The following ARHGEF28 variants were observed in gnomAD, a reference collection of about 807,000 sequenced individuals.
ARHGEF28 encodes the protein Rho guanine nucleotide exchange factor 28, also known as 190 kDa guanine nucleotide exchange factor.
Under a neutral mutation model 206.6 loss-of-function variants are expected in ARHGEF28, and 152 were observed. That is an observed-to-expected ratio of 0.74 (90% CI 0.64 to 0.84). The LOEUF (loss-of-function observed/expected upper bound fraction) is 0.84, where lower values mean the gene tolerates loss of function less well. Among genes scored for constraint, ARHGEF28 ranks in the 40% least tolerant of loss-of-function variants. The pLI is 0.00. For synonymous variants in ARHGEF28, 763 were observed against 776.4 expected, an observed-to-expected ratio of 0.98 and a Z score of 0.29; for missense variants, 2,028 against 2,073.2, an observed-to-expected ratio of 0.98 and a Z score of 0.42.
At chr5:73,666,463 C>G (rs895738680) in intron 1 of ARHGEF28, among the ~76,000 whole-genome samples, 5 of 152,196 alleles carry the variant, frequency 3.3e-5, no homozygotes, top group Admixed American at 6.5e-5. Flanking sequence ...TCTTTGGTGG[C>G]TCCATTCCTG....
chr5:73,858,669 C>T (rs1759203777), intron 16 of ARHGEF28, among the ~76,000 whole-genome samples: 1 of 152,206 alleles, frequency 6.6e-6, no homozygotes, highest in South Asian at 2.1e-4. Flanking sequence ...GTCACCCCTA[C>T]CACTGATATC....
At position 73,895,371 on chromosome 5, in the gene ARHGEF28, C is replaced by T. The variant is rs950200700; in HGVS notation, c.3841+796C>T. 5.9e-5 allele frequency among the ~76,000 whole-genome samples: 9 copies of T among 152,050 alleles called. No individual in the cohort carries two copies. In the East Asian group the frequency reaches 7.7e-4, roughly 13 times the overall value. On this transcript the variant is annotated intron_variant, in intron 29 of 35. Transcript: ENST00000513042. Reference sequence around the variant, plus strand: ...ATACTGAGAATTTTGACAGGATTAGCGCTAGTGGGAGGGGGAGAACTTGTG... The same window carrying T: ...ATACTGAGAATTTTGACAGGATTAGTGCTAGTGGGAGGGGGAGAACTTGTG...
intron 7 of ARHGEF28, 128 bp downstream of exon 7, chr5:73,780,873 G>A: frequency 1.1e-6 from 1 of 936,390 alleles, no homozygotes; most frequent in Non-Finnish European, 1.6e-6. Context: ...TCAGGGGTGT[G>A]GGATACAGCA....
rs929229422 is a variant in ARHGEF28 at position 73,693,281 on chromosome 5, C to T, written c.33+8397C>T. 2.6e-5 allele frequency among the ~76,000 whole-genome samples: 4 copies of T among 152,152 alleles called. No homozygotes were observed. The East Asian group carries it at 7.7e-4, about 29-fold the overall frequency. On this transcript the variant is annotated intron_variant, in intron 2 of 35. Transcript: ENST00000513042. The stretch of plus-strand genomic sequence containing the variant: ...CTCAAAGGCACCATTTTATCCTTTC[C>T]TGTCCTGCAACTGCCTTTGAGCTTT...
At chr5:73,741,381 GTGTGTATATATATATATATATA>G (rs1229466253) in intron 2 of ARHGEF28, among the ~76,000 whole-genome samples, 274 of 26,412 alleles carry the variant, frequency 0.01, no homozygotes, top group East Asian at 0.013. Context: ...GTGTGTGTGT[GTGTGTATATATATATATATATA>G]TATATATATA....
chr5:73,850,255 G>A (rs1758622080), intron 13 of ARHGEF28, among the ~76,000 whole-genome samples: 1 of 151,908 alleles, frequency 6.6e-6, no homozygotes, highest in African/African-American at 2.4e-5. Context: ...CATGATTTTT[G>A]TTTTCCTTTT....
At chr5:73,793,984 T>C (rs925977187) in intron 7 of ARHGEF28, among the ~76,000 whole-genome samples, 2 of 152,172 alleles carry the variant, frequency 1.3e-5, no homozygotes, top group African/African-American at 4.8e-5. Flanking sequence ...AATTACGCTC[T>C]TTTAAAACAT....
chr5:73,846,602 T>C (rs1758382016), intron 12 of ARHGEF28, 127 bp downstream of exon 12: 2 of 800,266 alleles, frequency 2.5e-6, no homozygotes, highest in East Asian at 2.7e-5. Flanking sequence ...TTGAGACCCA[T>C]GTGATATCTG....
intron 14 of ARHGEF28, among the ~76,000 whole-genome samples, chr5:73,855,479 C>G (rs1020813116): frequency 9.9e-5 from 15 of 152,098 alleles, no homozygotes; most frequent in Non-Finnish European, 1.9e-4. Context: ...CGTTTTTAAT[C>G]CCAGCACTTT....
intron 2 of ARHGEF28, among the ~76,000 whole-genome samples, chr5:73,733,523 C>G (rs769204142): frequency 2.6e-5 from 4 of 152,178 alleles, no homozygotes; most frequent in Non-Finnish European, 2.9e-5. Flanking sequence ...TCTGTTAGTA[C>G]ATTCTTGCAT....
At chr5:73,800,299 TTGTTTGTTTA>T (rs1755054563) in intron 9 of ARHGEF28, among the ~76,000 whole-genome samples, 1 of 152,234 alleles carries the variant, frequency 6.6e-6, no homozygotes, top group Admixed American at 6.5e-5. Context: ...ATGTTTGTTT[TTGTTTGTTTA>T]TGTTTTAATA....
chr5:73,704,480 A>G (rs1440727802), intron 2 of ARHGEF28, among the ~76,000 whole-genome samples: 1 of 152,140 alleles, frequency 6.6e-6, no homozygotes, highest in Non-Finnish European at 1.5e-5. Context: ...GCTGGAGTGC[A>G]GTGGAGCGAC....
intron 16 of ARHGEF28, among the ~76,000 whole-genome samples, chr5:73,858,668 A>G (rs1309228722): frequency 2.0e-5 from 3 of 152,156 alleles, no homozygotes; most frequent in Admixed American, 6.5e-5. Context: ...TGTCACCCCT[A>G]CCACTGATAT....
intron 1 of ARHGEF28, among the ~76,000 whole-genome samples, chr5:73,681,627 C>T (rs1430021985): frequency 1.3e-5 from 2 of 151,900 alleles, no homozygotes; most frequent in Admixed American, 1.3e-4. Context: ...CAATCCTGGC[C>T]AACATAGTGA....
intron 35 of ARHGEF28, among the ~76,000 whole-genome samples, chr5:73,922,619 G>A (rs1031659883): frequency 1.3e-5 from 2 of 151,936 alleles, no homozygotes; most frequent in Admixed American, 6.6e-5. Context: ...AATTATATAA[G>A]CCTAAACCCT....
intron 35 of ARHGEF28, among the ~76,000 whole-genome samples, chr5:73,935,369 T>C (rs1169691075): frequency 6.6e-6 from 1 of 152,178 alleles, no homozygotes; most frequent in African/African-American, 2.4e-5. Flanking sequence ...ATTTAGAGTG[T>C]TTGCTTCAGA....
At chr5:73,809,204 C>A (rs1321856005) in intron 9 of ARHGEF28, among the ~76,000 whole-genome samples, 55 of 140,330 alleles carry the variant, frequency 3.9e-4, no homozygotes, top group African/African-American at 9.1e-4. Context: ...GACTCTGTCT[C>A]AAAAAAAAAA....
intron 2 of ARHGEF28, among the ~76,000 whole-genome samples, chr5:73,741,385 G>GTATATATATATATATATATA (rs67973637): frequency 4.6e-5 from 1 of 21,862 alleles, no homozygotes; most frequent in Non-Finnish European, 7.6e-5. Flanking sequence ...GTGTGTGTGT[G>GTATATATATATATATATATA]TATATATATA....
intron 1 of ARHGEF28, among the ~76,000 whole-genome samples, chr5:73,673,855 A>G (rs973880586): frequency 4.6e-5 from 7 of 152,080 alleles, no homozygotes; most frequent in Non-Finnish European, 1.0e-4. Context: ...GGAAAGTAAA[A>G]TAGTGAACCT....
Sources: allele counts gnomAD v4.1 joint callset (sites outside exome capture counted in the v4.1 genomes callset), GRCh38; gene constraint gnomAD v4.1.1; transcripts MANE v1.5; gene names NCBI Gene and HGNC (gene_info 2026-07-23, HGNC 2026-07-21).